LGSN: variants seen among roughly 807,000 people sequenced by gnomAD.
The protein encoded by LGSN is lengsin.
Under a neutral mutation model 19.5 loss-of-function variants are expected in LGSN, and 21 were observed. The observed-to-expected ratio is 1.07, with a 90% CI of 0.76 to 1.55. LGSN has a LOEUF of 1.55. LGSN is among the 40% of genes most tolerant of loss of function. LGSN has a pLI of 0.00. For missense variants in LGSN, 673 were observed against 608.5 expected (o/e 1.11, Z -1.12); for synonymous variants, 257 against 215.6 (o/e 1.19, Z -1.68).
the LGSN span, among the ~76,000 whole-genome samples, chr6:63,330,936 A>G: frequency 6.6e-6 from 1 of 152,196 alleles, no homozygotes; most frequent in East Asian, 1.9e-4. Context: ...TAGGACATCT[A>G]TGTACCTATC....
the LGSN span, among the ~76,000 whole-genome samples, chr6:63,493,361 C>T: frequency 1.3e-5 from 2 of 152,224 alleles, no homozygotes; most frequent in African/African-American, 4.8e-5. Flanking sequence ...CCATCTGACT[C>T]AGCTTATAGG....
At chr6:63,463,309 T>TTTA in the LGSN span, among the ~76,000 whole-genome samples, 1 of 152,146 alleles carries the variant, frequency 6.6e-6, no homozygotes, top group Non-Finnish European at 1.5e-5. Flanking sequence ...ATTATCTTTA[T>TTTA]TCATTATTAT....
chr6:63,517,726 C>T, the LGSN span, among the ~76,000 whole-genome samples: 2 of 152,104 alleles, frequency 1.3e-5, no homozygotes, highest in African/African-American at 4.8e-5. Flanking sequence ...ATATGTATCA[C>T]AGACACTGAT....
intron 1 of LGSN, among the ~76,000 whole-genome samples, chr6:63,314,616 A>T (rs1365510555): frequency 6.6e-6 from 1 of 152,222 alleles, no homozygotes; most frequent in Non-Finnish European, 1.5e-5. Context: ...GCAGAATTTC[A>T]ATCTAAAACT....
chr6:63,296,372 A>G (rs897582305), intron 1 of LGSN, among the ~76,000 whole-genome samples: 2 of 151,748 alleles, frequency 1.3e-5, no homozygotes, highest in Non-Finnish European at 2.9e-5. Flanking sequence ...CACACTTCTG[A>G]TAGAATCTGG....
intron 3 of LGSN, among the ~76,000 whole-genome samples, chr6:63,285,198 T>C (rs1400966819): frequency 6.6e-6 from 1 of 152,234 alleles, no homozygotes; most frequent in Non-Finnish European, 1.5e-5. Flanking sequence ...ATTTTCTATT[T>C]AATCATTTTT....
the LGSN span, among the ~76,000 whole-genome samples, chr6:63,458,704 A>C: frequency 6.6e-6 from 1 of 152,230 alleles, no homozygotes; most frequent in Non-Finnish European, 1.5e-5. Context: ...TAGGAGTCTG[A>C]AAAGCCTTCA....
chr6:63,568,002 A>G, the LGSN span, among the ~76,000 whole-genome samples: 2 of 152,234 alleles, frequency 1.3e-5, no homozygotes, highest in Admixed American at 1.3e-4. Flanking sequence ...CATAAAAATG[A>G]AGAGAGTTAA....
the LGSN span, among the ~76,000 whole-genome samples, chr6:63,432,093 GAAAGAAA>G: frequency 5.9e-3 from 96 of 16,328 alleles, 1 homozygote; most frequent in Admixed American, 0.01. Context: ...AAGAAGGAAA[GAAAGAAA>G]GAAAGAAAGA....
Position 63,280,797 on chromosome 6 carries a change from C to T in LGSN, c.754G>A (p.Ala252Thr). ...GAGGAGGAAAAACTCTCGACATTGG[C>T]TCCAGTGTGATACAAGCCATCAACA... ...ELVDGLYHTG[A>T]NVESFSSSTR... Residue 252 changes from alanine to threonine, a missense_variant, in exon 4 of 4, where the codon GCC becomes ACC. By Grantham distance (58) the Ala-to-Thr change is moderately conservative. Coordinates refer to ENST00000370657, the MANE Select transcript of LGSN (RefSeq NM_016571.3). 2 of 1,614,126 alleles carry T rather than the reference C, an allele frequency of 1.2e-6. No homozygotes were observed. The highest frequency in any genetic ancestry group is 1.7e-6 in the Non-Finnish European group (2 of 1,179,986).
At chr6:63,477,992 A>G in the LGSN span, among the ~76,000 whole-genome samples, 3 of 150,474 alleles carry the variant, frequency 2.0e-5, no homozygotes, top group Admixed American at 2.0e-4. Context: ...TTTTCTCCTC[A>G]TCCTCCTCCT....
At chr6:63,329,249 G>T in the LGSN span, among the ~76,000 whole-genome samples, 1 of 152,172 alleles carries the variant, frequency 6.6e-6, no homozygotes, top group South Asian at 2.1e-4. Flanking sequence ...GGGCAAGACC[G>T]TCCACATAAG....
chr6:63,412,529 G>GAAAGAAAGAAAGAAA, the LGSN span, among the ~76,000 whole-genome samples: 2 of 32,378 alleles, frequency 6.2e-5, no homozygotes, highest in Non-Finnish European at 1.1e-4. Context: ...AAAGAAAGAA[G>GAAAGAAAGAAAGAAA]GAAAGAAAGA....
the LGSN span, among the ~76,000 whole-genome samples, chr6:63,517,965 C>T: frequency 2.0e-5 from 3 of 152,022 alleles, no homozygotes; most frequent in Admixed American, 2.0e-4. Flanking sequence ...CGAGCCTGGC[C>T]AGCATGGTGA....
the LGSN span, among the ~76,000 whole-genome samples, chr6:63,429,801 A>G: frequency 6.6e-6 from 1 of 151,162 alleles, no homozygotes; most frequent in Non-Finnish European, 1.5e-5. Context: ...CAACAAGGCC[A>G]CTAGAGACCC....
the LGSN span, among the ~76,000 whole-genome samples, chr6:63,505,591 AAGAAAGAAAG>A: frequency 1.5e-5 from 2 of 133,458 alleles, no homozygotes; most frequent in Non-Finnish European, 3.1e-5. Context: ...GAAAGAAAGA[AAGAAAGAAAG>A]AAAGAAAGAA....
At chr6:63,458,112 G>A in the LGSN span, among the ~76,000 whole-genome samples, 4 of 151,350 alleles carry the variant, frequency 2.6e-5, no homozygotes, top group African/African-American at 9.7e-5. Flanking sequence ...TTGTTACCCA[G>A]GCTGGAGTGC....
the LGSN span, among the ~76,000 whole-genome samples, chr6:63,527,010 T>C: frequency 2.0e-5 from 3 of 151,962 alleles, no homozygotes; most frequent in Admixed American, 6.6e-5. Context: ...CATGAGCTCA[T>C]TGTTGTTCCC....
At chr6:63,461,846 A>G in the LGSN span, among the ~76,000 whole-genome samples, 3 of 152,208 alleles carry the variant, frequency 2.0e-5, no homozygotes, top group Admixed American at 2.0e-4. Flanking sequence ...GCTCTAAAAG[A>G]CATGCCCAGA....
Sources: gnomAD v4.1 joint callset for allele counts (sites outside exome capture counted in the v4.1 genomes callset) on GRCh38, gnomAD v4.1.1 for gene constraint, MANE v1.5 for transcripts, NCBI Gene and HGNC (gene_info 2026-07-23, HGNC 2026-07-21) for gene names.